ARNT2: variants seen among roughly 807,000 people sequenced by gnomAD.
The protein encoded by ARNT2 is ARNT protein 2.
A neutral mutation model predicts 91.7 loss-of-function variants in ARNT2; 36 were observed. That is an observed-to-expected ratio of 0.39 (90% confidence interval 0.30 to 0.52). The LOEUF (loss-of-function observed/expected upper bound fraction) is 0.52, where lower values mean the gene tolerates loss of function less well. ARNT2 is among the 20% of genes least tolerant of loss of function. The probability of loss-of-function intolerance (pLI) is 0.72; values close to 1 mark genes in which losing one functional copy is unlikely to be tolerated. For missense variants in ARNT2, 775 were observed against 939.3 expected, an observed-to-expected ratio of 0.83 and a Z score of 2.29; for synonymous variants, 365 against 347.1, an observed-to-expected ratio of 1.05 and a Z score of -0.57.
chr15:80,509,510 T>A (rs1026749508), intron 6 of ARNT2, among the ~76,000 whole-genome samples: 1 of 152,036 alleles, frequency 6.6e-6, no homozygotes, highest in African/African-American at 2.4e-5. Flanking sequence ...CTGCATAGAA[T>A]TCATTTTAGT....
intron 6 of ARNT2, among the ~76,000 whole-genome samples, chr15:80,510,840 T>A (rs1897331279): frequency 6.6e-6 from 1 of 151,804 alleles, no homozygotes; most frequent in African/African-American, 2.4e-5. Context: ...AATAAATAAA[T>A]AAATAAATAA....
chr15:80,404,495 C>A lies in ARNT2; in HGVS notation c.-21C>A, dbSNP rs1356746298. 4.9e-6 allele frequency: 6 copies of A among 1,236,164 alleles called. No homozygotes were observed. Among genetic ancestry groups the A allele is most frequent in the Non-Finnish European group, 4.1e-6 (4 of 970,496 alleles). 76.6% of individuals were successfully genotyped at this position (1,236,164 alleles called of 1,614,324 possible). ...CCCTCCCGCGCCCCTGCCAAGCGGG[C>A]GCCTATCCTCTCCGAGCAAGATGGC... On this transcript the variant is annotated 5_prime_UTR_variant, in exon 1 of 19. Transcript: ENST00000303329. The surrounding 1 kb of genome is among the most constrained non-coding windows in gnomAD (Gnocchi z 5.5).
At chr15:80,575,342 A>T (rs149170960) in intron 14 of ARNT2, among the ~76,000 whole-genome samples, 41 of 152,300 alleles carry the variant, frequency 2.7e-4, no homozygotes, top group Middle Eastern at 3.4e-3. Flanking sequence ...TTATTCCAAT[A>T]TCGCATTGCG....
chr15:80,543,738 A>G (rs535284863), intron 8 of ARNT2, among the ~76,000 whole-genome samples: 1 of 152,256 alleles, frequency 6.6e-6, no homozygotes, highest in Non-Finnish European at 1.5e-5. Flanking sequence ...ACCATCTAGT[A>G]CATTTTAATT....
intron 11 of ARNT2, among the ~76,000 whole-genome samples, chr15:80,558,630 G>A (rs893601605): frequency 1.3e-4 from 20 of 152,046 alleles, no homozygotes; most frequent in Non-Finnish European, 2.1e-4. Context: ...ATGAGCTACC[G>A]TGCCCGGCCT....
intron 1 of ARNT2, among the ~76,000 whole-genome samples, chr15:80,431,059 C>T (rs995149145): frequency 6.6e-6 from 1 of 152,084 alleles, no homozygotes; most frequent in Non-Finnish European, 1.5e-5. Flanking sequence ...ATGTCACGAT[C>T]CCCCCACAAA....
intron 1 of ARNT2, among the ~76,000 whole-genome samples, chr15:80,437,636 C>A (rs1446903618): frequency 2.0e-5 from 3 of 152,188 alleles, no homozygotes; most frequent in Non-Finnish European, 2.9e-5. Context: ...TCTGTCCCAT[C>A]CCTGTAGGGA....
chr15:80,581,578 C>G (rs1290200804), intron 17 of ARNT2, among the ~76,000 whole-genome samples, 174 bp downstream of exon 17: 1 of 152,180 alleles, frequency 6.6e-6, no homozygotes, highest in Non-Finnish European at 1.5e-5. Flanking sequence ...TCCTAAGAGA[C>G]TGGATGCTTA....
chr15:80,501,266 T>A (rs1195061437), intron 5 of ARNT2, among the ~76,000 whole-genome samples: 1 of 137,064 alleles, frequency 7.3e-6, no homozygotes, highest in Non-Finnish European at 1.7e-5. Context: ...CTCAAAATAA[T>A]ATTAAAAGAG....
Position 80,553,259 on chromosome 15 carries a change from G to C in ARNT2, c.1089+485G>C, listed in dbSNP as rs74385783. ...CATAAGAAACAAAAAGGCAGGAGCAGTTGTCCCAGATTAAAATAGACCAAA... is the reference window on the plus strand; with the variant it reads ...CATAAGAAACAAAAAGGCAGGAGCACTTGTCCCAGATTAAAATAGACCAAA... On this transcript the variant is annotated intron_variant, in intron 10 of 18. Coordinates refer to ENST00000303329, the MANE Select transcript of ARNT2 (RefSeq NM_014862.4). 8.2e-3 allele frequency among the ~76,000 whole-genome samples: 1,250 copies of C among 152,282 alleles called. 23 individuals are homozygous for C. The highest frequency in any genetic ancestry group is 0.028 in the African/African-American group (1,181 of 41,562).
chr15:80,564,689 C>T (rs1898443171), intron 12 of ARNT2, among the ~76,000 whole-genome samples: 2 of 149,582 alleles, frequency 1.3e-5, no homozygotes, highest in South Asian at 4.4e-4. Flanking sequence ...CCCACCCTCC[C>T]TCTCTAGTAG....
chr15:80,407,138 G>A (rs1322561102), intron 1 of ARNT2, among the ~76,000 whole-genome samples: 1 of 152,184 alleles, frequency 6.6e-6, no homozygotes, highest in Non-Finnish European at 1.5e-5. Context: ...TTGGTAAACA[G>A]AACCAAATGG....
chr15:80,557,805 C>A (rs1424491078), intron 11 of ARNT2, among the ~76,000 whole-genome samples: 1 of 152,188 alleles, frequency 6.6e-6, no homozygotes, highest in African/African-American at 2.4e-5. Flanking sequence ...ATCTCCCATT[C>A]TGACCATTGC....
intron 8 of ARNT2, among the ~76,000 whole-genome samples, chr15:80,523,755 C>T (rs1314663316): frequency 6.6e-6 from 1 of 152,116 alleles, no homozygotes; most frequent in Admixed American, 6.5e-5. Flanking sequence ...GGACAGGTGA[C>T]TGCATCCAGA....
chr15:80,543,158 C>A, intron 8 of ARNT2, among the ~76,000 whole-genome samples: 1 of 148,658 alleles, frequency 6.7e-6, no homozygotes, highest in Admixed American at 6.8e-5. Flanking sequence ...TCTTTGCCCA[C>A]AAACATATGT....
intron 15 of ARNT2, among the ~76,000 whole-genome samples, chr15:80,578,688 C>T (rs1397378973): frequency 6.6e-6 from 1 of 151,896 alleles, no homozygotes; most frequent in Non-Finnish European, 1.5e-5. Context: ...TTTGGGGCAG[C>T]TGGCAGTGTG....
At position 80,591,185 on chromosome 15, in the gene ARNT2, C is replaced by A. The variant is rs1004401289; in HGVS notation, c.1919-383C>A. ...CCAACACCATACTGCTGAGGACAGA[C>A]CCTCTCTCAGCCCACACTCTGCATG... is the stretch of plus-strand genomic sequence containing the variant. On this transcript the variant is annotated intron_variant, in intron 17 of 18. Transcript: ENST00000303329. The surrounding 1 kb of genome is among the most constrained non-coding windows in gnomAD (Gnocchi z 5.1). 6.6e-5 allele frequency among the ~76,000 whole-genome samples: 10 copies of A among 152,184 alleles called. No homozygotes were observed. In the East Asian group the frequency reaches 1.7e-3, roughly 26 times the overall value.
chr15:80,461,898 C>T (rs543841159), intron 3 of ARNT2, among the ~76,000 whole-genome samples: 29 of 152,326 alleles, frequency 1.9e-4, no homozygotes, highest in Admixed American at 1.8e-3. Context: ...TATCAAGTCA[C>T]TGATCCTAAC....
chr15:80,477,348 T>C (rs747930853), intron 5 of ARNT2, among the ~76,000 whole-genome samples: 7 of 152,248 alleles, frequency 4.6e-5, no homozygotes, highest in Admixed American at 6.5e-5. Context: ...TCTAGCTGTG[T>C]CCTCACATGG....
Sources: gnomAD v4.1 joint callset for allele counts (sites outside exome capture counted in the v4.1 genomes callset) on GRCh38, gnomAD v4.1.1 for gene constraint, Gnocchi (gnomAD v3.1) non-coding constraint, MANE v1.5 for transcripts, NCBI Gene and HGNC (gene_info 2026-07-23, HGNC 2026-07-21) for gene names.